Variants in CSMD1 observed in about 807,000 individuals in gnomAD.
The protein encoded by CSMD1 is CUB and Sushi multiple domains 1, also known as CUB and sushi domain-containing protein 1.
CSMD1 carries 213 observed loss-of-function variants against 417.5 expected under a neutral mutation model. That is an observed-to-expected ratio of 0.51 (90% CI 0.46 to 0.57). The LOEUF is 0.57. Among genes scored for constraint, CSMD1 ranks in the 20% least tolerant of loss-of-function variants. The pLI, the probability that CSMD1 is intolerant of heterozygous loss-of-function variation, is 0.00. For synonymous variants in CSMD1, 2,862 were observed against 1,736.8 expected (o/e 1.65, Z -16.11); for missense variants, 6,923 against 4,529.7 (o/e 1.53, Z -15.17).
At chr8:4,040,908 T>C (rs112458585) in intron 3 of CSMD1, among the ~76,000 whole-genome samples, 10 of 152,310 alleles carry the variant, frequency 6.6e-5, no homozygotes, top group African/African-American at 2.4e-4. Flanking sequence ...AGAAGCATCA[T>C]GAATATTTGC....
chr8:4,463,398 T>C (rs1015974506), intron 2 of CSMD1, among the ~76,000 whole-genome samples: 1 of 152,222 alleles, frequency 6.6e-6, no homozygotes, highest in Non-Finnish European at 1.5e-5. Context: ...CATTGCCATA[T>C]GAACCAGCAA....
In CSMD1 at chr8:4,162,490, G is replaced by C. The variant is rs182155989; in HGVS notation, c.416-130391C>G. Among the ~76,000 whole-genome samples, 4 of 152,226 alleles carry C rather than the reference G, an allele frequency of 2.6e-5. No individual in the cohort carries two copies. In the South Asian group the frequency reaches 6.2e-4, roughly 24 times the overall value. ...AAAATTTAAGCCAGTTTGATGAACAGTTTTGATCCTCATAAATCTAACTTG... is the reference window on the plus strand; with the variant it reads ...AAAATTTAAGCCAGTTTGATGAACACTTTTGATCCTCATAAATCTAACTTG... On this transcript the variant is annotated intron_variant, in intron 3 of 69. Coordinates refer to ENST00000635120, the MANE Select transcript of CSMD1 (RefSeq NM_033225.6).
intron 12 of CSMD1, among the ~76,000 whole-genome samples, chr8:3,443,845 T>A (rs1015926046): frequency 5.9e-5 from 9 of 152,212 alleles, no homozygotes; most frequent in African/African-American, 2.2e-4. Context: ...TACTGATGCA[T>A]ATGGAAATGT....
At chr8:3,910,343 G>C (rs1188293597) in intron 5 of CSMD1, among the ~76,000 whole-genome samples, 1 of 152,102 alleles carries the variant, frequency 6.6e-6, no homozygotes, top group Admixed American at 6.5e-5. Flanking sequence ...CTGACGACAG[G>C]GTGGCAGGTG....
chr8:4,282,506 C>G (rs188374556), intron 3 of CSMD1, among the ~76,000 whole-genome samples: 3 of 152,278 alleles, frequency 2.0e-5, no homozygotes, highest in Non-Finnish European at 4.4e-5. Flanking sequence ...TTATCTCCCT[C>G]TAAGCTTTGC....
Position 2,962,486 on chromosome 8 carries a change from C to T in CSMD1, c.9608G>A (p.Gly3203Asp), listed in dbSNP as rs1218342461. The T allele has an allele frequency of 6.8e-6, 11 of 1,613,624 alleles. No homozygotes were observed. In the Admixed American group the frequency reaches 1.7e-4, roughly 24 times the overall value. The change falls in exon 61 of 70, where the codon GGC (glycine) becomes GAC (aspartate). Residue 3203 changes from glycine to aspartate, a missense_variant. Gly to Asp is a moderately conservative substitution (Grantham distance 94, BLOSUM62 -1). Transcript: ENST00000635120. ...ATTACCAATGCAGGTGGGTTGTATGCCGCTCCACGTGCCGTCAGCTTGGCA... is the reference window on the plus strand; with the variant it reads ...ATTACCAATGCAGGTGGGTTGTATGTCGCTCCACGTGCCGTCAGCTTGGCA... Reference protein sequence around the residue: ...RVCQADGTWSGIQPTCIDPAH... With the variant: ...RVCQADGTWSDIQPTCIDPAH...
chr8:3,572,634 G>C (rs2116928846), intron 10 of CSMD1, among the ~76,000 whole-genome samples: 1 of 152,228 alleles, frequency 6.6e-6, no homozygotes, highest in African/African-American at 2.4e-5. Flanking sequence ...AATTCAAGAA[G>C]AGTTCCTTCT....
chr8:4,312,643 G>A (rs1364150284), intron 3 of CSMD1, among the ~76,000 whole-genome samples: 3 of 151,546 alleles, frequency 2.0e-5, no homozygotes, highest in Non-Finnish European at 2.9e-5. Context: ...TTGGGAGGCC[G>A]AGGTGAGTGG....
At position 3,757,837 on chromosome 8, in the gene CSMD1, G is replaced by A. The variant is rs547617486; in HGVS notation, c.819-3795C>T. Among the ~76,000 whole-genome samples the A allele has an allele frequency of 2.1e-4, 30 of 144,360 alleles. 1 individual carries two copies. Among genetic ancestry groups the A allele is most frequent in the Admixed American group, 1.5e-3 (21 of 14,006 alleles). 94.7% of individuals were successfully genotyped at this position (144,360 alleles called of 152,430 possible). A position where few individuals can be genotyped will look rare whatever the true frequency, so the allele number is the denominator to read the frequency against. Reference sequence around the variant, plus strand: ...ACACTCCAGCCTGGGTGAAAAGAGCGAGACTTCATCTCAAAAAACAAACAA... The same window carrying A: ...ACACTCCAGCCTGGGTGAAAAGAGCAAGACTTCATCTCAAAAAACAAACAA... On this transcript the variant is annotated intron_variant, in intron 5 of 69. Transcript: ENST00000635120.
At chr8:4,038,021 T>G (rs1797706134) in intron 3 of CSMD1, among the ~76,000 whole-genome samples, 1 of 152,246 alleles carries the variant, frequency 6.6e-6, no homozygotes, top group South Asian at 2.1e-4. Flanking sequence ...CCACACTTGG[T>G]AAAAAGTGTA....
At chr8:2,950,436 T>C (rs150154982) in intron 66 of CSMD1, 93 bp from the exon 67 acceptor site, 8,773 of 747,294 alleles carry the variant, frequency 0.012, 78 homozygotes, top group Middle Eastern at 0.024. Context: ...ACGGAGATGA[T>C]AATATCATCG....
At chr8:3,929,037 T>A (rs1036436786) in intron 5 of CSMD1, among the ~76,000 whole-genome samples, 9 of 150,458 alleles carry the variant, frequency 6.0e-5, no homozygotes, top group African/African-American at 2.2e-4. Context: ...CTCAGGGCCA[T>A]CAGCATTGCC....
At chr8:4,726,740 G>T (rs961344956) in intron 1 of CSMD1, among the ~76,000 whole-genome samples, 2 of 152,122 alleles carry the variant, frequency 1.3e-5, no homozygotes, top group African/African-American at 2.4e-5. Context: ...TTCAGCATGG[G>T]CTGGGTTATG....
intron 4 of CSMD1, among the ~76,000 whole-genome samples, chr8:4,031,528 G>A (rs1018423565): frequency 2.0e-5 from 3 of 152,166 alleles, no homozygotes; most frequent in African/African-American, 2.4e-5. Flanking sequence ...CAACATGTGG[G>A]AATTGTGGGA....
At chr8:3,336,760 C>A (rs1807289336) in intron 23 of CSMD1, among the ~76,000 whole-genome samples, 2 of 152,160 alleles carry the variant, frequency 1.3e-5, no homozygotes, top group African/African-American at 4.8e-5. Context: ...GAGTCCCGCC[C>A]CCAGCTGCAT....
At chr8:4,668,441 T>TTAA (rs1469446411) in intron 1 of CSMD1, among the ~76,000 whole-genome samples, 1 of 145,878 alleles carries the variant, frequency 6.9e-6, no homozygotes, top group Non-Finnish European at 1.5e-5. Flanking sequence ...ATTATTATTA[T>TTAA]TATTATTATT....
At chr8:3,934,909 G>A (rs770842496) in intron 5 of CSMD1, among the ~76,000 whole-genome samples, 14 of 151,926 alleles carry the variant, frequency 9.2e-5, no homozygotes, top group Admixed American at 5.3e-4. Context: ...TTTCCAAGAA[G>A]AACATTATAA....
chr8:4,292,012 A>G (rs1797397761), intron 3 of CSMD1, among the ~76,000 whole-genome samples: 1 of 152,150 alleles, frequency 6.6e-6, no homozygotes, highest in Admixed American at 6.5e-5. Flanking sequence ...TTTGTTGCAT[A>G]GATCCATTAT....
Position 3,142,671 on chromosome 8 carries a change from G to T in CSMD1, c.6035C>A (p.Ala2012Glu), listed in dbSNP as rs768927677. Reference sequence around the variant, plus strand: ...AGAAAAATTCAGAAACTGAATATGTGCACCTATGGAAAAACATGCAAACTT... The same window carrying T: ...AGAAAAATTCAGAAACTGAATATGTTCACCTATGGAAAAACATGCAAACTT... ...WRISLPIGYG[A>E]HIQFLNFSTE... The change falls in exon 41 of 70, where the codon GCA (alanine) becomes GAA (glutamate). Residue 2012 changes from alanine (A) to glutamate (E), a missense_variant. Ala to Glu is a moderately radical substitution (Grantham distance 107). Transcript: ENST00000635120. The T allele has an allele frequency of 1.2e-6, 2 of 1,609,960 alleles. No individual in the cohort carries two copies. The highest frequency in any genetic ancestry group is 3.3e-5 in the Admixed American group (2 of 60,006).
Sources: allele counts gnomAD v4.1 joint callset (sites outside exome capture counted in the v4.1 genomes callset), GRCh38; gene constraint gnomAD v4.1.1; transcripts MANE v1.5; gene names NCBI Gene and HGNC (gene_info 2026-07-23, HGNC 2026-07-21).